Variants in CALN1 observed in about 807,000 individuals in gnomAD.
CALN1 encodes the protein calcium-binding protein 8.
CALN1 carries 17 observed loss-of-function variants against 30.6 expected under a neutral mutation model. That is an observed-to-expected ratio of 0.56 (90% CI 0.38 to 0.83). The LOEUF is 0.83. CALN1 is among the 40% of genes least tolerant of loss of function. The probability of loss-of-function intolerance (pLI) is 0.00; values close to 1 mark genes in which losing one functional copy is unlikely to be tolerated. For missense variants in CALN1, 291 were observed against 354.9 expected, an observed-to-expected ratio of 0.82 and a Z score of 1.45; for synonymous variants, 156 against 131.4, an observed-to-expected ratio of 1.19 and a Z score of -1.28.
At chr7:72,020,261 G>A (rs937550304) in intron 5 of CALN1, among the ~76,000 whole-genome samples, 4 of 152,074 alleles carry the variant, frequency 2.6e-5, no homozygotes, top group Non-Finnish European at 5.9e-5. Context: ...CTCTCACTGT[G>A]TTGGGAAAGC....
chr7:72,407,318 G>A lies in CALN1; in HGVS notation c.-73-3876C>T, dbSNP rs144597349. Among the ~76,000 whole-genome samples, 352 of 152,284 alleles carry A rather than the reference G, an allele frequency of 2.3e-3. 1 individual carries two copies. The highest frequency in any genetic ancestry group is 4.0e-3 in the Admixed American group (61 of 15,304). ...GTAAAGTGTTAGGCACAGAGCAGGTGCTACATATGCTAGCCACCTGATACG... is the reference window on the plus strand; with the variant it reads ...GTAAAGTGTTAGGCACAGAGCAGGTACTACATATGCTAGCCACCTGATACG... On this transcript the variant is annotated intron_variant, in intron 1 of 6. Transcript: ENST00000395275.
chr7:72,468,111 C>T, the CALN1 span, among the ~76,000 whole-genome samples: 1 of 152,196 alleles, frequency 6.6e-6, no homozygotes, highest in South Asian at 2.1e-4. Flanking sequence ...TAGTCCATTG[C>T]ATGTAAACAC....
At chr7:71,892,374 C>G (rs887464450) in intron 5 of CALN1, among the ~76,000 whole-genome samples, 2 of 152,156 alleles carry the variant, frequency 1.3e-5, no homozygotes, top group African/African-American at 2.4e-5. Flanking sequence ...CAGTGGCTCA[C>G]GCCTGTAATC....
intron 4 of CALN1, among the ~76,000 whole-genome samples, chr7:72,082,683 C>G (rs987228335): frequency 6.6e-6 from 1 of 152,154 alleles, no homozygotes; most frequent in Non-Finnish European, 1.5e-5. Flanking sequence ...ACAGAAAGTC[C>G]TGATGTTACC....
chr7:71,988,404 A>C (rs1426118548), intron 5 of CALN1, among the ~76,000 whole-genome samples: 2 of 152,140 alleles, frequency 1.3e-5, no homozygotes, highest in African/African-American at 2.4e-5. Flanking sequence ...CCAGGCACAG[A>C]AACTGCGGCA....
chr7:72,397,507 G>C (rs1311086140), intron 2 of CALN1, among the ~76,000 whole-genome samples: 1 of 152,168 alleles, frequency 6.6e-6, no homozygotes, highest in Non-Finnish European at 1.5e-5. Flanking sequence ...TGAATAAGCT[G>C]CTAGGGAATT....
At chr7:72,009,868 T>C (rs1242297166) in intron 5 of CALN1, among the ~76,000 whole-genome samples, 3 of 152,214 alleles carry the variant, frequency 2.0e-5, no homozygotes, top group Non-Finnish European at 4.4e-5. Flanking sequence ...ATTAAACCTC[T>C]TTTACTTTAT....
chr7:72,097,246 C>T (rs1316484769), intron 4 of CALN1, among the ~76,000 whole-genome samples: 4 of 152,102 alleles, frequency 2.6e-5, no homozygotes, highest in Non-Finnish European at 4.4e-5. Flanking sequence ...CAACATGGCA[C>T]GTGTACACAT....
chr7:72,082,697 G>A (rs1563041775), intron 4 of CALN1, among the ~76,000 whole-genome samples: 1 of 152,154 alleles, frequency 6.6e-6, no homozygotes, highest in Non-Finnish European at 1.5e-5. Context: ...TGTTACCCTC[G>A]AAATCTTTGA....
chr7:71,920,806 G>A (rs996966588), intron 5 of CALN1, among the ~76,000 whole-genome samples: 11 of 152,044 alleles, frequency 7.2e-5, no homozygotes, highest in South Asian at 2.1e-4. Context: ...AGAACCTTGC[G>A]GCAATTTCTC....
At chr7:72,203,665 G>A (rs1021079831) in intron 3 of CALN1, among the ~76,000 whole-genome samples, 2 of 152,066 alleles carry the variant, frequency 1.3e-5, no homozygotes, top group Admixed American at 6.6e-5. Flanking sequence ...AATTAGCAAG[G>A]GCTAAATTAT....
chr7:72,156,513 C>A (rs918807532), intron 3 of CALN1, among the ~76,000 whole-genome samples: 4 of 152,166 alleles, frequency 2.6e-5, no homozygotes, highest in African/African-American at 9.7e-5. Context: ...ACTGACTGGC[C>A]TGGAGGCAAG....
At chr7:72,497,086 T>C in the CALN1 span, among the ~76,000 whole-genome samples, 2 of 152,098 alleles carry the variant, frequency 1.3e-5, no homozygotes, top group Non-Finnish European at 2.9e-5. Flanking sequence ...AGGAAAGGAA[T>C]AGCTGAAAGG....
chr7:71,897,324 C>G (rs1375433910), intron 5 of CALN1, among the ~76,000 whole-genome samples: 2 of 152,122 alleles, frequency 1.3e-5, no homozygotes, highest in African/African-American at 4.8e-5. Flanking sequence ...TTAACCTGCT[C>G]AGCTATTTCT....
intron 3 of CALN1, among the ~76,000 whole-genome samples, chr7:72,195,937 T>C (rs1210852194): frequency 6.6e-6 from 1 of 152,152 alleles, no homozygotes; most frequent in African/African-American, 2.4e-5. Context: ...TGCTACAACA[T>C]GAAGGAAACT....
At chr7:72,024,294 T>C (rs1237736111) in intron 4 of CALN1, among the ~76,000 whole-genome samples, 2 of 152,262 alleles carry the variant, frequency 1.3e-5, no homozygotes, top group Non-Finnish European at 2.9e-5. Context: ...GATTCTGTTA[T>C]GAGTAGCACG....
At chr7:72,145,676 A>T (rs1408138308) in intron 3 of CALN1, among the ~76,000 whole-genome samples, 1 of 152,216 alleles carries the variant, frequency 6.6e-6, no homozygotes, top group Admixed American at 6.5e-5. Context: ...AAAAAAAGAG[A>T]ATTTTAGACC....
the CALN1 span, among the ~76,000 whole-genome samples, chr7:72,469,928 C>G: frequency 9.9e-5 from 15 of 152,270 alleles, no homozygotes; most frequent in African/African-American, 3.4e-4. Context: ...TGTGGCTTCA[C>G]GTCCTGATTC....
Position 72,164,144 on chromosome 7 carries a change from G to C in CALN1, c.245-57850C>G, listed in dbSNP as rs115561656. On this transcript the variant is annotated intron_variant, in intron 3 of 6. Coordinates refer to ENST00000395275, the MANE Select transcript of CALN1 (RefSeq NM_031468.4). ...GCACTCAGGGAGGCCAAGGTGGGCA[G>C]GCCATCTGAGGTGAGGAGTTCAAGA... Among the ~76,000 whole-genome samples, 1,140 of 152,210 alleles carry C rather than the reference G, an allele frequency of 7.5e-3. 15 individuals carry two copies. Among genetic ancestry groups the C allele is most frequent in the African/African-American group, 0.026 (1,065 of 41,534 alleles).
Sources: allele counts gnomAD v4.1 joint callset (sites outside exome capture counted in the v4.1 genomes callset), GRCh38; gene constraint gnomAD v4.1.1; transcripts MANE v1.5; gene names NCBI Gene and HGNC (gene_info 2026-07-23, HGNC 2026-07-21).